The following ELMO1 variants were observed in gnomAD, a reference collection of about 807,000 sequenced individuals.
ELMO1 encodes the protein engulfment and cell motility protein 1.
ELMO1 carries 26 observed loss-of-function variants against 98.9 expected under a neutral mutation model. The observed-to-expected ratio is 0.26, with a 90% CI of 0.19 to 0.36. The LOEUF (loss-of-function observed/expected upper bound fraction) is 0.36. Ranked by LOEUF, ELMO1 falls within the 10% of genes least tolerant of loss-of-function variation. ELMO1 has a pLI of 1.00. For synonymous variants in ELMO1, 346 were observed against 346.0 expected, an observed-to-expected ratio of 1.00 and a Z score of 0.00; for missense variants, 627 against 935.2, an observed-to-expected ratio of 0.67 and a Z score of 4.30.
intron 15 of ELMO1, among the ~76,000 whole-genome samples, chr7:37,050,816 T>C (rs1584567421): frequency 1.3e-5 from 1 of 79,182 alleles, no homozygotes; most frequent in Admixed American, 1.2e-4. Flanking sequence ...AGTTCAAAGG[T>C]TTTTTTTTTT....
chr7:36,863,525 A>G (rs1379042707), intron 20 of ELMO1, among the ~76,000 whole-genome samples: 1 of 152,242 alleles, frequency 6.6e-6, no homozygotes, highest in Non-Finnish European at 1.5e-5. Flanking sequence ...ATTCAAAAGA[A>G]AGCAAAAGCC....
chr7:37,381,502 G>A (rs1802579128), intron 1 of ELMO1, among the ~76,000 whole-genome samples: 1 of 152,180 alleles, frequency 6.6e-6, no homozygotes, highest in South Asian at 2.1e-4. Context: ...AAACCACTGG[G>A]AACTGGCTAC....
At chr7:37,167,902 G>C (rs1207940989) in intron 13 of ELMO1, among the ~76,000 whole-genome samples, 2 of 152,020 alleles carry the variant, frequency 1.3e-5, no homozygotes, top group East Asian at 3.9e-4. Flanking sequence ...CTAGATTGGG[G>C]AAGTTCTCCT....
intron 13 of ELMO1, among the ~76,000 whole-genome samples, chr7:37,185,932 C>T (rs577228471): frequency 1.3e-5 from 2 of 152,302 alleles, no homozygotes; most frequent in African/African-American, 4.8e-5. Context: ...CTATCAGTAA[C>T]TCCGCTGACT....
intron 13 of ELMO1, among the ~76,000 whole-genome samples, chr7:37,151,120 G>C (rs1788327271): frequency 1.3e-5 from 2 of 152,208 alleles, no homozygotes; most frequent in Non-Finnish European, 2.9e-5. Context: ...CTAGGGTGTG[G>C]ATAGAAGAGG....
chr7:37,368,949 T>G (rs1802006021), intron 1 of ELMO1, among the ~76,000 whole-genome samples: 2 of 152,170 alleles, frequency 1.3e-5, no homozygotes, highest in South Asian at 4.1e-4. Flanking sequence ...TGGCCTTTTG[T>G]CAGTATATTT....
At chr7:37,265,074 T>A (rs565185611) in intron 5 of ELMO1, among the ~76,000 whole-genome samples, 3 of 152,302 alleles carry the variant, frequency 2.0e-5, no homozygotes, top group African/African-American at 7.2e-5. Context: ...TATGCCTTTC[T>A]GCTGCCTCCC....
intron 13 of ELMO1, among the ~76,000 whole-genome samples, chr7:37,158,657 G>A (rs1403684463): frequency 2.0e-5 from 3 of 152,162 alleles, no homozygotes; most frequent in Admixed American, 2.0e-4. Flanking sequence ...GGAAACAACA[G>A]GTGCTGGAGA....
intron 6 of ELMO1, among the ~76,000 whole-genome samples, chr7:37,245,623 G>A (rs769028328): frequency 3.3e-5 from 5 of 152,098 alleles, no homozygotes; most frequent in Non-Finnish European, 7.3e-5. Flanking sequence ...CATTGGGCAG[G>A]GTGAAAGGGT....
At chr7:37,156,515 A>T (rs1433991965) in intron 13 of ELMO1, among the ~76,000 whole-genome samples, 1 of 152,222 alleles carries the variant, frequency 6.6e-6, no homozygotes, top group African/African-American at 2.4e-5. Context: ...CAGAAATACA[A>T]ACTACCATCA....
At chr7:36,891,252 C>A (rs1805522488) in intron 17 of ELMO1, among the ~76,000 whole-genome samples, 1 of 152,224 alleles carries the variant, frequency 6.6e-6, no homozygotes. Flanking sequence ...GTTCTCTTCA[C>A]TGCTGAATTG....
chr7:37,065,806 A>T (rs1796929301), intron 15 of ELMO1, among the ~76,000 whole-genome samples: 1 of 152,174 alleles, frequency 6.6e-6, no homozygotes, highest in Non-Finnish European at 1.5e-5. Flanking sequence ...CCCTAACAAC[A>T]TTCACGCAAT....
intron 14 of ELMO1, among the ~76,000 whole-genome samples, chr7:37,111,731 A>C (rs146096246): frequency 1.9e-3 from 290 of 152,324 alleles, no homozygotes; most frequent in African/African-American, 6.6e-3. Flanking sequence ...AATGTTCATA[A>C]CCATAGCCTG....
At chr7:37,419,627 AGG>A (rs1276701384) in intron 1 of ELMO1, 2 of 148,736 alleles carry the variant, frequency 1.3e-5, no homozygotes, top group African/African-American at 5.0e-5. Flanking sequence ...TAAAGATGAG[AGG>A]CCTCCTGGTG....
intron 1 of ELMO1, among the ~76,000 whole-genome samples, chr7:37,368,736 A>C (rs751446410): frequency 6.6e-6 from 1 of 152,216 alleles, no homozygotes; most frequent in East Asian, 1.9e-4. Context: ...CTCACAGTGA[A>C]GTTCCATCCC....
chr7:37,026,976 A>C (rs1274167318), intron 15 of ELMO1, among the ~76,000 whole-genome samples: 2 of 152,026 alleles, frequency 1.3e-5, no homozygotes, highest in African/African-American at 2.4e-5. Flanking sequence ...CTTTTCTTCT[A>C]TGTGGCTTTC....
At chr7:37,431,747 T>C (rs1485856638) in intron 1 of ELMO1, among the ~76,000 whole-genome samples, 1 of 152,182 alleles carries the variant, frequency 6.6e-6, no homozygotes, top group African/African-American at 2.4e-5. Context: ...TAATGAGATG[T>C]TTTGGGAACT....
intron 1 of ELMO1, among the ~76,000 whole-genome samples, chr7:37,371,203 AT>A (rs1802101935): frequency 1.3e-5 from 2 of 152,336 alleles, no homozygotes; most frequent in South Asian, 2.1e-4. Context: ...GCAAAAAAAA[AT>A]CATTTGTATT....
intron 2 of ELMO1, among the ~76,000 whole-genome samples, chr7:37,336,466 T>C (rs1800415889): frequency 6.6e-6 from 1 of 152,160 alleles, no homozygotes; most frequent in Non-Finnish European, 1.5e-5. Context: ...GTTATGTATG[T>C]AGGCAGAGGT....
Sources: allele counts gnomAD v4.1 joint callset (sites outside exome capture counted in the v4.1 genomes callset), GRCh38; gene constraint gnomAD v4.1.1; transcripts MANE v1.5; gene names NCBI Gene and HGNC (gene_info 2026-07-23, HGNC 2026-07-21).